ZFHX3: variants seen among roughly 807,000 people sequenced by gnomAD.
ZFHX3 encodes the protein zinc finger homeobox protein 3.
A neutral mutation model predicts 279.1 loss-of-function variants in ZFHX3; 42 were observed. The ratio of observed to expected loss-of-function variants is 0.15; its 90% CI spans 0.12 to 0.19. ZFHX3 has a LOEUF of 0.19. Ranked by LOEUF, ZFHX3 falls within the 10% of genes least tolerant of loss-of-function variation. The pLI, the probability that ZFHX3 is intolerant of heterozygous loss-of-function variation, is 1.00. For missense variants in ZFHX3, 4,981 were observed against 4,754.0 expected (o/e 1.05, Z -1.40); for synonymous variants, 2,293 against 1,957.8 (o/e 1.17, Z -4.52).
intron 1 of ZFHX3, among the ~76,000 whole-genome samples, chr16:73,885,158 A>G (rs994173267): frequency 1.3e-5 from 2 of 151,998 alleles, no homozygotes; most frequent in African/African-American, 4.8e-5. Flanking sequence ...TTTCCTTCAG[A>G]TGTTTACAAT....
intron 2 of ZFHX3, among the ~76,000 whole-genome samples, chr16:73,618,831 T>C (rs1279697493): frequency 4.6e-5 from 7 of 152,174 alleles, no homozygotes; most frequent in Non-Finnish European, 8.8e-5. Flanking sequence ...CATTCATTCA[T>C]GTTTTGTTGC....
At chr16:73,264,760 A>C (rs1340933686) in intron 4 of ZFHX3, among the ~76,000 whole-genome samples, 1 of 151,986 alleles carries the variant, frequency 6.6e-6, no homozygotes, top group Non-Finnish European at 1.5e-5. Flanking sequence ...TGAGTCCCCA[A>C]AGTCCATTGT....
intron 1 of ZFHX3, among the ~76,000 whole-genome samples, chr16:73,026,856 G>A (rs924865445): frequency 1.3e-5 from 2 of 152,146 alleles, no homozygotes; most frequent in African/African-American, 4.8e-5. Context: ...AGGTAAAGGA[G>A]AACTAACGTG....
In ZFHX3 at chr16:73,256,690, C is replaced by T. The variant is rs553921769; in HGVS notation, c.-1104+357G>A. 2.0e-5 allele frequency among the ~76,000 whole-genome samples: 3 copies of T among 152,262 alleles called. No individual in the cohort carries two copies. The East Asian group carries it at 5.8e-4, about 29-fold the overall frequency. On this transcript the variant is annotated intron_variant, in intron 5 of 17. Transcript: ENST00000641206. ...TTAGGGAAATACCTTCAAAATAATC[C>T]AGTTTGAATTTCTTATTTTGCAGAT...
At chr16:73,332,111 G>T (rs189157604) in intron 3 of ZFHX3, among the ~76,000 whole-genome samples, 9 of 152,222 alleles carry the variant, frequency 5.9e-5, no homozygotes, top group Admixed American at 3.3e-4. Flanking sequence ...CTTTTTCAAG[G>T]TTCCTTCTCA....
chr16:73,288,733 C>T (rs1046214539), intron 4 of ZFHX3, among the ~76,000 whole-genome samples: 1 of 152,014 alleles, frequency 6.6e-6, no homozygotes, highest in Non-Finnish European at 1.5e-5. Context: ...AAGGCGGCTC[C>T]GAGAGCCAAG....
At chr16:73,670,379 A>C (rs1452546205) in intron 2 of ZFHX3, among the ~76,000 whole-genome samples, 1 of 152,244 alleles carries the variant, frequency 6.6e-6, no homozygotes, top group African/African-American at 2.4e-5. Flanking sequence ...GAAATGGCTC[A>C]GGAGGGAAGC....
At chr16:73,351,393 G>A (rs1020817224) in intron 3 of ZFHX3, among the ~76,000 whole-genome samples, 3 of 152,168 alleles carry the variant, frequency 2.0e-5, no homozygotes, top group Non-Finnish European at 4.4e-5. Flanking sequence ...GGTCCCTAAC[G>A]TAATTATCCA....
chr16:72,936,574 G>C (rs1195549332), intron 3 of ZFHX3, among the ~76,000 whole-genome samples: 8 of 152,180 alleles, frequency 5.3e-5, no homozygotes, highest in African/African-American at 1.9e-4. Context: ...ACACTCAGTA[G>C]AACAGCAAGT....
At chr16:73,129,294 A>G (rs1966630795) in intron 7 of ZFHX3, among the ~76,000 whole-genome samples, 2 of 151,768 alleles carry the variant, frequency 1.3e-5, no homozygotes, top group South Asian at 4.2e-4. Context: ...AGGCTGAGGC[A>G]TGAGAATCGC....
chr16:72,850,896 G>A (rs1022183897), intron 4 of ZFHX3, among the ~76,000 whole-genome samples: 1 of 152,096 alleles, frequency 6.6e-6, no homozygotes, highest in African/African-American at 2.4e-5. Flanking sequence ...CTCAAGGGGA[G>A]GGGGTGCAAG....
At chr16:72,897,740 C>T (rs146177039) in intron 3 of ZFHX3, among the ~76,000 whole-genome samples, 13 of 152,308 alleles carry the variant, frequency 8.5e-5, no homozygotes, top group African/African-American at 2.9e-4. Context: ...CGCACCCAGC[C>T]TACACACACT....
At chr16:72,972,382 T>A (rs1383455815) in intron 1 of ZFHX3, among the ~76,000 whole-genome samples, 1 of 152,148 alleles carries the variant, frequency 6.6e-6, no homozygotes, top group African/African-American at 2.4e-5. Flanking sequence ...GTCCTTCAGA[T>A]CTCAACTCCA....
intron 5 of ZFHX3, among the ~76,000 whole-genome samples, chr16:73,174,335 C>T (rs533638327): frequency 2.6e-5 from 4 of 152,142 alleles, no homozygotes; most frequent in African/African-American, 4.8e-5. Context: ...GCTGCCAAAC[C>T]GCAACATGCA....
At chr16:73,264,980 ATGTG>A (rs1478192265) in intron 4 of ZFHX3, among the ~76,000 whole-genome samples, 1 of 150,022 alleles carries the variant, frequency 6.7e-6, no homozygotes, top group Non-Finnish European at 1.5e-5. Context: ...GTGTATATAT[ATGTG>A]TGTATTATAT....
chr16:73,413,796 T>C (rs2017517131), intron 3 of ZFHX3, among the ~76,000 whole-genome samples: 1 of 152,240 alleles, frequency 6.6e-6, no homozygotes, highest in Non-Finnish European at 1.5e-5. Context: ...ACGTATGTAA[T>C]GAGTTCAAGG....
intron 2 of ZFHX3, among the ~76,000 whole-genome samples, chr16:73,481,825 C>T (rs1357533074): frequency 6.6e-6 from 1 of 152,030 alleles, no homozygotes; most frequent in Non-Finnish European, 1.5e-5. Context: ...AGTTTCTTCA[C>T]CCTTTTGTTT....
intron 3 of ZFHX3, among the ~76,000 whole-genome samples, chr16:72,901,980 G>A (rs532147194): frequency 6.6e-6 from 1 of 152,322 alleles, no homozygotes; most frequent in Admixed American, 6.5e-5. Context: ...GCTCAGCATG[G>A]ATTTTACTGA....
At chr16:72,849,860 C>CAAAAAAAAAAAAAAA (rs542156633) in intron 4 of ZFHX3, among the ~76,000 whole-genome samples, 3 of 56,562 alleles carry the variant, frequency 5.3e-5, no homozygotes, top group African/African-American at 1.6e-4. Flanking sequence ...GTTCACCTAC[C>CAAAAAAAAAAAAAAA]AAAAAAAAAA....
Sources: gnomAD v4.1 joint callset for allele counts (sites outside exome capture counted in the v4.1 genomes callset) on GRCh38, gnomAD v4.1.1 for gene constraint, MANE v1.5 for transcripts, NCBI Gene and HGNC (gene_info 2026-07-23, HGNC 2026-07-21) for gene names.